The following SMAD9 variants were observed in gnomAD, a reference collection of about 807,000 sequenced individuals.
SMAD9 encodes the protein SMAD family member 9.
SMAD9 carries 36 observed loss-of-function variants against 46.1 expected under a neutral mutation model. That is an observed-to-expected ratio of 0.78 (90% CI 0.60 to 1.03). The LOEUF (loss-of-function observed/expected upper bound fraction) is 1.03. Among genes scored for constraint, SMAD9 ranks in the 50% least tolerant of loss-of-function variants. The probability of loss-of-function intolerance (pLI) is 0.00; values close to 1 mark genes in which losing one functional copy is unlikely to be tolerated. For missense variants in SMAD9, 572 were observed against 599.8 expected (o/e 0.95, Z 0.48); for synonymous variants, 245 against 237.1 (o/e 1.03, Z -0.31).
chr13:36,913,911 C>T (rs1324759242), intron 1 of SMAD9, among the ~76,000 whole-genome samples: 1 of 152,192 alleles, frequency 6.6e-6, no homozygotes, highest in East Asian at 1.9e-4. Context: ...TCACTTATGT[C>T]ATTAATAATA....
At chr13:36,873,098 A>G (rs1054246059) in intron 2 of SMAD9, among the ~76,000 whole-genome samples, 183 bp from the exon 3 acceptor site, 4 of 152,198 alleles carry the variant, frequency 2.6e-5, no homozygotes, top group Non-Finnish European at 5.9e-5. Flanking sequence ...ATCTCCACCT[A>G]AGAAGCAAGC....
intron 5 of SMAD9, among the ~76,000 whole-genome samples, chr13:36,858,794 C>T (rs1319053838): frequency 6.6e-6 from 1 of 152,202 alleles, no homozygotes; most frequent in Non-Finnish European, 1.5e-5. Context: ...TAGCTATTAA[C>T]ATTTTTCAGT....
chr13:36,877,330 C>A (rs1375555297), intron 2 of SMAD9, among the ~76,000 whole-genome samples: 3 of 152,180 alleles, frequency 2.0e-5, no homozygotes, highest in East Asian at 1.9e-4. Context: ...CCACTGCACA[C>A]CGGCCTGCCA....
intron 1 of SMAD9, among the ~76,000 whole-genome samples, chr13:36,919,642 G>A (rs1396283070): frequency 6.6e-6 from 1 of 150,690 alleles, no homozygotes; most frequent in African/African-American, 2.4e-5. Context: ...GACCCCTCAG[G>A]CGCCTATCCT....
At position 36,889,113 on chromosome 13, in the gene SMAD9, T is replaced by C. The variant is rs555987662; in HGVS notation, c.-186-9238A>G. Among the ~76,000 whole-genome samples, 5 of 152,286 alleles carry C rather than the reference T, an allele frequency of 3.3e-5. No homozygotes were observed. In the East Asian group the frequency reaches 9.6e-4, roughly 29 times the overall value. ...CACTGATTCTGCTTCAGAAGAAATA[T>C]CATAATTGAATTTATTTCTGAATAA... On this transcript the variant is annotated intron_variant, in intron 1 of 6. Transcript: ENST00000379826.
Position 36,851,613 on chromosome 13 carries a change from TAAAC to T in SMAD9, c.1260+1802_1260+1805del, listed in dbSNP as rs1388136146. On this transcript the variant is annotated intron_variant, in intron 6 of 6. Coordinates refer to ENST00000379826, the MANE Select transcript of SMAD9 (RefSeq NM_001127217.3). Reference sequence around the variant, plus strand: ...TGGCCTGCACATGGCAGGTGCTCAATAAACATTTGTTGACTGACTAAGTCCTAGA... The same window carrying T: ...TGGCCTGCACATGGCAGGTGCTCAATATTTGTTGACTGACTAAGTCCTAGA... 3 of 394,498 alleles carry T rather than the reference TAAAC, an allele frequency of 7.6e-6. No individual in the cohort carries two copies. The Admixed American group carries it at 1.9e-4, about 25-fold the overall frequency. The allele number at this position is 394,498 out of a possible 1,614,324, so 24.4% of individuals were successfully genotyped here. A position where few individuals can be genotyped will look rare whatever the true frequency, so the allele number is the denominator to read the frequency against.
In SMAD9 at chr13:36,848,596, TC is replaced by T; in HGVS notation, c.*79del. ...GTATTTACACATGTTTTTAGAAACT[TC>T]AGTTGCAAATCTGAAATGATACAAG... On this transcript the variant is annotated 3_prime_UTR_variant, in exon 7 of 7. Transcript: ENST00000379826. The T allele has an allele frequency of 7.5e-7, 1 of 1,330,264 alleles. No homozygotes were observed. 82.4% of individuals were successfully genotyped at this position (1,330,264 alleles called of 1,614,324 possible).
At position 36,848,178 on chromosome 13, in the gene SMAD9, G is replaced by A. The variant is rs1223393108; in HGVS notation, c.*498C>T. ...CTATGGCCTATCTCATTAATTCATT[G>A]TACAAGTTTGTTGTTTTTTTTTTCT... On this transcript the variant is annotated 3_prime_UTR_variant, in exon 7 of 7. Transcript: ENST00000379826. The A allele has an allele frequency of 5.6e-5, 9 of 160,562 alleles. No homozygotes were observed. The South Asian group carries it at 1.6e-3, about 28-fold the overall frequency. The allele number at this position is 160,562 out of a possible 1,614,324, so 9.9% of individuals were successfully genotyped here. A position where few individuals can be genotyped will look rare whatever the true frequency, so the allele number is the denominator to read the frequency against.
At position 36,848,037 on chromosome 13, in the gene SMAD9, A is replaced by G. The variant is rs1240675823; in HGVS notation, c.*639T>C. On this transcript the variant is annotated 3_prime_UTR_variant, in exon 7 of 7. Coordinates refer to ENST00000379826, the MANE Select transcript of SMAD9 (RefSeq NM_001127217.3). The stretch of plus-strand genomic sequence containing the variant: ...TTTTACAGTGGTAGACTGAGGGAAC[A>G]TGACTTTTGGCTTCACAGTTTTTTT... 2.0e-5 allele frequency: 3 copies of G among 152,586 alleles called. 1 individual carries two copies. Among genetic ancestry groups the G allele is most frequent in the Admixed American group, 6.5e-5 (1 of 15,324 alleles). The allele number at this position is 152,586 out of a possible 1,614,324, so 9.5% of individuals were successfully genotyped here.
At chr13:36,862,290 C>T (rs1004802955) in intron 5 of SMAD9, among the ~76,000 whole-genome samples, 2 of 152,114 alleles carry the variant, frequency 1.3e-5, no homozygotes, top group East Asian at 1.9e-4. Flanking sequence ...GAGGTTGGCA[C>T]GAGATACAGG....
At chr13:36,853,697 C>CT (rs2058095755) in intron 5 of SMAD9, 22 bp from the exon 6 acceptor site, 1 of 1,613,296 alleles carries the variant, frequency 6.2e-7, no homozygotes, top group South Asian at 1.1e-5. Context: ...AAAACACAGC[C>CT]TTCCTTCACA....
Position 36,891,362 on chromosome 13 carries a change from T to C in SMAD9, c.-186-11487A>G, listed in dbSNP as rs571835825. On this transcript the variant is annotated intron_variant, in intron 1 of 6. Coordinates refer to ENST00000379826, the MANE Select transcript of SMAD9 (RefSeq NM_001127217.3). ...TACTTTCCCAGATTCAAAATCTCCA[T>C]TGCCTAAGGAATAAGAACTCTAAGT... Among the ~76,000 whole-genome samples the C allele has an allele frequency of 9.2e-5, 14 of 152,308 alleles. No individual in the cohort carries two copies. The East Asian group carries it at 2.5e-3, about 27-fold the overall frequency.
chr13:36,905,245 TTTAA>T (rs2058609521), intron 1 of SMAD9, among the ~76,000 whole-genome samples: 1 of 152,206 alleles, frequency 6.6e-6, no homozygotes, highest in Non-Finnish European at 1.5e-5. Flanking sequence ...TCATCTAGAC[TTTAA>T]TTACTTGAAA....
At chr13:36,856,928 G>C (rs545899964) in intron 5 of SMAD9, among the ~76,000 whole-genome samples, 1 of 150,492 alleles carries the variant, frequency 6.6e-6, no homozygotes, top group African/African-American at 2.5e-5. Context: ...TCAGCCTCCC[G>C]AGTAGCTGGG....
At chr13:36,878,760 T>C (rs1225911222) in intron 2 of SMAD9, among the ~76,000 whole-genome samples, 2 of 152,100 alleles carry the variant, frequency 1.3e-5, no homozygotes, top group Non-Finnish European at 2.9e-5. Context: ...GGATGTTTAA[T>C]TTTTACAGCT....
chr13:36,854,598 C>T (rs2058105373), intron 5 of SMAD9, among the ~76,000 whole-genome samples: 2 of 152,242 alleles, frequency 1.3e-5, no homozygotes, highest in African/African-American at 2.4e-5. Flanking sequence ...TCTCAAACTC[C>T]CAACCTCAAG....
intron 1 of SMAD9, among the ~76,000 whole-genome samples, chr13:36,906,801 T>C (rs2058623394): frequency 6.6e-6 from 1 of 152,194 alleles, no homozygotes; most frequent in East Asian, 1.9e-4. Context: ...AATTTGCACA[T>C]TGTTGATGAG....
At chr13:36,915,544 A>G (rs987753528) in intron 1 of SMAD9, among the ~76,000 whole-genome samples, 1 of 152,122 alleles carries the variant, frequency 6.6e-6, no homozygotes, top group African/African-American at 2.4e-5. Flanking sequence ...AGAATGAGAC[A>G]AAGAGAGAGA....
At chr13:36,861,902 C>T (rs1291160776) in intron 5 of SMAD9, among the ~76,000 whole-genome samples, 1 of 150,980 alleles carries the variant, frequency 6.6e-6, no homozygotes. Context: ...GTACTCCAGC[C>T]TGGGTGACAG....
Sources: allele counts gnomAD v4.1 joint callset (sites outside exome capture counted in the v4.1 genomes callset), GRCh38; gene constraint gnomAD v4.1.1; transcripts MANE v1.5; gene names NCBI Gene and HGNC (gene_info 2026-07-23, HGNC 2026-07-21).